The following ASIC5 variants were observed in gnomAD, a reference collection of about 807,000 sequenced individuals.
ASIC5 encodes bile acid-sensitive ion channel.
A neutral mutation model predicts 51.2 loss-of-function variants in ASIC5; 52 were observed. That is an observed-to-expected ratio of 1.02 (90% CI 0.81 to 1.28). ASIC5 has a LOEUF of 1.28. Among genes scored for constraint, ASIC5 ranks in the 50% most tolerant of loss-of-function variants. ASIC5 has a pLI of 0.00. For synonymous variants in ASIC5, 231 were observed against 200.7 expected (o/e 1.15, Z -1.28); for missense variants, 635 against 595.0 (o/e 1.07, Z -0.70).
rs1345881571 is a variant in ASIC5 at position 155,854,321 on chromosome 4, G to C, written c.348-7C>G. 2 of 1,547,112 alleles carry C rather than the reference G, an allele frequency of 1.3e-6. No individual in the cohort carries two copies. Among genetic ancestry groups the C allele is most frequent in the Non-Finnish European group, 1.8e-6 (2 of 1,120,884 alleles). On this transcript the variant is annotated splice_polypyrimidine_tract_variant and splice_region_variant and intron_variant, in intron 2 of 9. Coordinates refer to ENST00000537611, the MANE Select transcript of ASIC5 (RefSeq NM_017419.3). ...TACAGCATCTGTTTGGAACCTATTA[G>C]CAGGAATGAAGGCAATAGTTAGAAT...
At chr4:155,831,147 T>C (rs900004523) in intron 9 of ASIC5, among the ~76,000 whole-genome samples, 1 of 152,146 alleles carries the variant, frequency 6.6e-6, no homozygotes, top group Non-Finnish European at 1.5e-5. Flanking sequence ...CTTCCTCAGG[T>C]TCTTCTTTTT....
At chr4:155,858,945 G>A (rs1342102991) in intron 2 of ASIC5, 1 of 152,042 alleles carries the variant, frequency 6.6e-6, no homozygotes, top group Non-Finnish European at 1.5e-5. Context: ...CTGTACCTGT[G>A]AAGATAAGCT....
chr4:155,837,910 G>A (rs1419973750), intron 7 of ASIC5, among the ~76,000 whole-genome samples: 1 of 151,924 alleles, frequency 6.6e-6, no homozygotes, highest in Non-Finnish European at 1.5e-5. Context: ...CTGCATGCAT[G>A]GTTTTTTTCC....
intron 2 of ASIC5, 119 bp from the exon 3 acceptor site, chr4:155,854,433 G>A: frequency 1.3e-6 from 1 of 784,114 alleles, no homozygotes; most frequent in South Asian, 1.8e-5. Flanking sequence ...TCCCTTATTT[G>A]CAAGACATTT....
At chr4:155,864,571 G>T (rs1741811190) in intron 1 of ASIC5, 1 of 152,024 alleles carries the variant, frequency 6.6e-6, no homozygotes, top group Non-Finnish European at 1.5e-5. Context: ...GCATGAGATG[G>T]GCTTCACAAT....
chr4:155,858,870 G>A (rs1053014883), intron 2 of ASIC5: 5 of 152,048 alleles, frequency 3.3e-5, no homozygotes, highest in African/African-American at 1.2e-4. Flanking sequence ...ATAGACCAGA[G>A]GAAGAAGTCA....
intron 9 of ASIC5, among the ~76,000 whole-genome samples, chr4:155,830,423 C>T (rs1740847970): frequency 6.6e-6 from 1 of 152,038 alleles, no homozygotes; most frequent in African/African-American, 2.4e-5. Context: ...TGATGTTTTC[C>T]AGAAAATTAA....
chr4:155,866,173 C>T lies in ASIC5; in HGVS notation c.40+14G>A, dbSNP rs369703352. 2.2e-5 allele frequency: 35 copies of T among 1,558,098 alleles called. No individual in the cohort carries two copies. The African/African-American group carries it at 4.1e-4, about 18-fold the overall frequency. ...AAAAATATTACTGCTCTGAGGAGTT[C>T]ACTCTTTACTCACCGTTCTCAGCAT... On this transcript the variant is annotated intron_variant, in intron 1 of 9. Transcript: ENST00000537611.
intron 4 of ASIC5, among the ~76,000 whole-genome samples, chr4:155,846,551 C>A (rs1321069516): frequency 2.0e-5 from 3 of 152,112 alleles, no homozygotes; most frequent in Non-Finnish European, 4.4e-5. Flanking sequence ...CAGTTCCTCC[C>A]AAAGTCCAGG....
intron 2 of ASIC5, among the ~76,000 whole-genome samples, chr4:155,860,924 T>G (rs1048624071): frequency 6.6e-6 from 1 of 151,882 alleles, no homozygotes; most frequent in South Asian, 2.1e-4. Context: ...CTGTTTTAGC[T>G]GCATCTCAAA....
chr4:155,859,363 G>A (rs1741634871), intron 2 of ASIC5, among the ~76,000 whole-genome samples: 1 of 151,700 alleles, frequency 6.6e-6, no homozygotes, highest in Non-Finnish European at 1.5e-5. Context: ...TTGATTTCAT[G>A]ACTATTACCA....
intron 8 of ASIC5, among the ~76,000 whole-genome samples, chr4:155,834,149 C>A (rs1420148285): frequency 2.0e-5 from 3 of 151,874 alleles, no homozygotes; most frequent in African/African-American, 7.3e-5. Context: ...CACAATTTAC[C>A]CTTATCTTCA....
chr4:155,846,118 GAC>G (rs60353460), intron 4 of ASIC5, among the ~76,000 whole-genome samples: 10,937 of 151,984 alleles, frequency 0.072, 1,014 homozygotes, highest in African/African-American at 0.22. Context: ...AAAAAGAAAA[GAC>G]AGTTCAAATT....
At chr4:155,856,314 T>A (rs917477892) in intron 2 of ASIC5, among the ~76,000 whole-genome samples, 2 of 152,188 alleles carry the variant, frequency 1.3e-5, no homozygotes, top group South Asian at 2.1e-4. Context: ...CCACAATGTA[T>A]ACATATAATT....
intron 8 of ASIC5, among the ~76,000 whole-genome samples, chr4:155,832,414 A>G (rs1740889593): frequency 6.6e-6 from 1 of 152,168 alleles, no homozygotes; most frequent in Admixed American, 6.5e-5. Context: ...GATGAATACT[A>G]ATTATTAACT....
chr4:155,839,164 C>T (rs752783682), intron 6 of ASIC5, among the ~76,000 whole-genome samples: 2 of 152,064 alleles, frequency 1.3e-5, no homozygotes, highest in African/African-American at 2.4e-5. Flanking sequence ...GAGTAGTTTT[C>T]AAATTTAAAA....
chr4:155,853,923 C>T (rs1276298148), intron 3 of ASIC5, among the ~76,000 whole-genome samples, 154 bp downstream of exon 3: 1 of 151,732 alleles, frequency 6.6e-6, no homozygotes, highest in African/African-American at 2.4e-5. Context: ...TATTCCATAC[C>T]CCTGATATCA....
chr4:155,837,004 T>G (rs1740997931), intron 7 of ASIC5, 147 bp from the exon 8 acceptor site: 1 of 552,592 alleles, frequency 1.8e-6, no homozygotes, highest in Non-Finnish European at 3.1e-6. Flanking sequence ...AACAAATATG[T>G]TACTCTGAAT....
intron 4 of ASIC5, among the ~76,000 whole-genome samples, chr4:155,845,970 C>T (rs968456675): frequency 2.6e-5 from 4 of 151,804 alleles, no homozygotes; most frequent in African/African-American, 9.7e-5. Flanking sequence ...ATAAAATGTA[C>T]CTTTATTGGC....
Sources: allele counts gnomAD v4.1 joint callset (sites outside exome capture counted in the v4.1 genomes callset), GRCh38; gene constraint gnomAD v4.1.1; transcripts MANE v1.5; gene names NCBI Gene and HGNC (gene_info 2026-07-23, HGNC 2026-07-21).